Variants in SYNGR1 observed in about 807,000 individuals in gnomAD.
The protein encoded by SYNGR1 is synaptogyrin 1, also known as synaptogyrin-1.
SYNGR1 carries 14 observed loss-of-function variants against 26.1 expected under a neutral mutation model. The observed-to-expected ratio is 0.54, with a 90% confidence interval of 0.35 to 0.84. The LOEUF (loss-of-function observed/expected upper bound fraction) is 0.84. Ranked by LOEUF, SYNGR1 falls within the 40% of genes least tolerant of loss-of-function variation. The pLI, the probability that SYNGR1 is intolerant of heterozygous loss-of-function variation, is 0.01. For synonymous variants in SYNGR1, 141 were observed against 150.1 expected (o/e 0.94, Z 0.44); for missense variants, 319 against 332.9 (o/e 0.96, Z 0.33).
At chr22:39,351,744 G>A (rs546562420) in intron 1 of SYNGR1, among the ~76,000 whole-genome samples, 2 of 152,348 alleles carry the variant, frequency 1.3e-5, no homozygotes, top group South Asian at 2.1e-4. Context: ...CCAAGGGAAG[G>A]CAGCGTGACT....
chr22:39,357,541 AGGCGCGAGCGGGAACCGGGGCTGCGTGC>A (rs960810607), intron 1 of SYNGR1, among the ~76,000 whole-genome samples: 1 of 152,098 alleles, frequency 6.6e-6, no homozygotes, highest in Non-Finnish European at 1.5e-5. Context: ...GTGGAGGGAG[AGGCGCGAGCGGGAACCGGGGCTGCGTGC>A]GGCGCTTGCG....
intron 1 of SYNGR1, among the ~76,000 whole-genome samples, chr22:39,366,966 A>G (rs11912055): frequency 0.052 from 7,923 of 152,056 alleles, 683 homozygotes; most frequent in African/African-American, 0.18. Flanking sequence ...GCGGGCCTCC[A>G]TGCCGCTCCT....
chr22:39,359,471 A>G (rs1924355987), intron 1 of SYNGR1, among the ~76,000 whole-genome samples: 1 of 144,534 alleles, frequency 6.9e-6, no homozygotes, highest in Non-Finnish European at 1.5e-5. Flanking sequence ...AAAAAAAAAA[A>G]TACAAAAAAA....
intron 1 of SYNGR1, among the ~76,000 whole-genome samples, chr22:39,361,439 A>C (rs943244717): frequency 6.7e-6 from 1 of 149,506 alleles, no homozygotes; most frequent in East Asian, 2.0e-4. Flanking sequence ...ACTCACTGCA[A>C]CCTCCACAAT....
intron 1 of SYNGR1, among the ~76,000 whole-genome samples, chr22:39,353,835 A>G (rs1334693268): frequency 6.6e-6 from 1 of 152,206 alleles, no homozygotes; most frequent in Non-Finnish European, 1.5e-5. Flanking sequence ...TAGGGAATGA[A>G]TATCAGTGCT....
At chr22:39,367,040 G>C (rs1038045340) in intron 1 of SYNGR1, among the ~76,000 whole-genome samples, 2 of 152,184 alleles carry the variant, frequency 1.3e-5, no homozygotes, top group Non-Finnish European at 2.9e-5. Context: ...CCCTGGGCTC[G>C]GGTCCCTCAC....
intron 1 of SYNGR1, chr22:39,364,178 C>T: frequency 2.5e-6 from 4 of 1,612,516 alleles, no homozygotes; most frequent in Non-Finnish European, 3.4e-6. Flanking sequence ...GACCAGCAGG[C>T]ATGCCTCCTT....
chr22:39,362,310 C>A (rs1056541695), intron 1 of SYNGR1, among the ~76,000 whole-genome samples: 13 of 152,148 alleles, frequency 8.5e-5, no homozygotes, highest in Non-Finnish European at 1.3e-4. Context: ...CCCTGCCCAG[C>A]GGAGTCCACT....
At position 39,384,286 on chromosome 22, in the gene SYNGR1, A is replaced by C; in HGVS notation, c.*2372A>C. On this transcript the variant is annotated 3_prime_UTR_variant, in exon 4 of 4. Coordinates refer to ENST00000328933, the MANE Select transcript of SYNGR1 (RefSeq NM_004711.5). ...TGCTGGTGATCCTCAGCCGGAGGGCAGGGTACCAGGTAAGCTTAACTCCAT... is the reference window on the plus strand; with the variant it reads ...TGCTGGTGATCCTCAGCCGGAGGGCCGGGTACCAGGTAAGCTTAACTCCAT... 2.7e-6 allele frequency: 1 copy of C among 371,622 alleles called. No homozygotes were observed. The allele number at this position is 371,622 out of a possible 1,614,324, so 23.0% of individuals were successfully genotyped here. A position where few individuals can be genotyped will look rare whatever the true frequency, so the allele number is the denominator to read the frequency against.
At position 39,382,619 on chromosome 22, in the gene SYNGR1, A is replaced by G. The variant is rs1925535406; in HGVS notation, c.*705A>G. 6.5e-6 allele frequency: 1 copy of G among 153,772 alleles called. No individual in the cohort carries two copies. Among genetic ancestry groups the G allele is most frequent in the South Asian group, 2.0e-4 (1 of 4,884 alleles). The allele number at this position is 153,772 out of a possible 1,614,324, so 9.5% of individuals were successfully genotyped here. A position where few individuals can be genotyped will look rare whatever the true frequency, so the allele number is the denominator to read the frequency against. ...CCCCACGCTTGGGGCTTCCCTGCTC[A>G]GTGTTACTGTCATTCTGGGAGGCCT... On this transcript the variant is annotated 3_prime_UTR_variant, in exon 4 of 4. Transcript: ENST00000328933.
chr22:39,359,965 C>A (rs1601653033), intron 1 of SYNGR1, among the ~76,000 whole-genome samples: 1 of 152,282 alleles, frequency 6.6e-6, no homozygotes, highest in African/African-American at 2.4e-5. Context: ...CACTGATCTT[C>A]CCCTGTGCAC....
chr22:39,373,666 A>T (rs1339287715), intron 1 of SYNGR1, among the ~76,000 whole-genome samples: 3 of 151,032 alleles, frequency 2.0e-5, no homozygotes, highest in African/African-American at 7.3e-5. Flanking sequence ...ATTTTTTAGT[A>T]GGGGCGGGGT....
intron 1 of SYNGR1, among the ~76,000 whole-genome samples, chr22:39,368,129 G>T (rs1044344774): frequency 6.6e-6 from 1 of 152,196 alleles, no homozygotes; most frequent in Non-Finnish European, 1.5e-5. Context: ...TTGCCTTTGT[G>T]ATCTGTTCCA....
intron 1 of SYNGR1, among the ~76,000 whole-genome samples, chr22:39,356,554 C>T (rs191554325): frequency 6.6e-6 from 1 of 151,996 alleles, no homozygotes; most frequent in Non-Finnish European, 1.5e-5. Flanking sequence ...GGGCCTGAGC[C>T]CCAGGGAGAA....
At chr22:39,371,509 G>A (rs1297036253) in intron 1 of SYNGR1, among the ~76,000 whole-genome samples, 1 of 151,672 alleles carries the variant, frequency 6.6e-6, no homozygotes, top group Non-Finnish European at 1.5e-5. Context: ...ATAGTTTCTG[G>A]CCGGGCATGG....
chr22:39,373,669 G>T (rs532236102), intron 1 of SYNGR1, among the ~76,000 whole-genome samples: 14 of 151,768 alleles, frequency 9.2e-5, no homozygotes, highest in South Asian at 4.2e-4. Flanking sequence ...TTTTAGTAGG[G>T]GCGGGGTTTT....
rs947641357 is a variant in SYNGR1, at chr22:39,384,672, C to G, written c.*2758C>G. 1.0e-5 allele frequency: 4 copies of G among 399,042 alleles called. No homozygotes were observed. Among genetic ancestry groups the G allele is most frequent in the Non-Finnish European group, 1.3e-5 (3 of 226,120 alleles). 24.7% of individuals were successfully genotyped at this position (399,042 alleles called of 1,614,324 possible). A position where few individuals can be genotyped will look rare whatever the true frequency, so the allele number is the denominator to read the frequency against. ...TCCCTTTTCCTCCCAGCTGCCCTCC[C>G]CTACTTCTCCCTTGCTCCCAAAGCT... is the stretch of plus-strand genomic sequence containing the variant. On this transcript the variant is annotated 3_prime_UTR_variant, in exon 4 of 4. Transcript: ENST00000328933.
chr22:39,381,724 G>A lies in SYNGR1; in HGVS notation c.512G>A (p.Arg171Gln), dbSNP rs756476405. 46 of 1,613,312 alleles carry A rather than the reference G, an allele frequency of 2.9e-5. No individual in the cohort carries two copies. Among genetic ancestry groups the A allele is most frequent in the Non-Finnish European group, 3.1e-5 (37 of 1,179,994 alleles). ...WAGQAVLAFQ[R>Q]YQIGADSALF... ...GGCCAGGCTGTGCTGGCCTTCCAGC[G>A]GTACCAGATTGGCGCCGACTCGGCC... The change falls in exon 4 of 4, where the codon CGG (arginine) becomes CAG (glutamine). Residue 171 changes from arginine to glutamine, a missense_variant. By Grantham distance (43) the Arg-to-Gln change is conservative. Coordinates refer to ENST00000328933, the MANE Select transcript of SYNGR1 (RefSeq NM_004711.5).
rs765935829 is a variant in SYNGR1, at chr22:39,374,284, C to T, written c.100-32C>T. 1.9e-6 allele frequency: 3 copies of T among 1,607,800 alleles called. No individual in the cohort carries two copies. The Admixed American group carries it at 5.0e-5, about 27-fold the overall frequency. ...TGGGTGGTGTGAGGCAGGGGTCTGC[C>T]CAGGTCTAAGGTGTGGCCCCACCCC... is the stretch of plus-strand genomic sequence containing the variant. On this transcript the variant is annotated intron_variant, in intron 1 of 3. Transcript: ENST00000328933.
Sources: gnomAD v4.1 joint callset for allele counts (sites outside exome capture counted in the v4.1 genomes callset) on GRCh38, gnomAD v4.1.1 for gene constraint, MANE v1.5 for transcripts, NCBI Gene and HGNC (gene_info 2026-07-23, HGNC 2026-07-21) for gene names.